The following MELK variants were observed in gnomAD, a reference collection of about 807,000 sequenced individuals.
The protein encoded by MELK is maternal embryonic leucine zipper kinase, also known as pEg3 kinase.
Under a neutral mutation model 85.0 loss-of-function variants are expected in MELK, and 81 were observed. The observed-to-expected ratio is 0.95, with a 90% confidence interval of 0.80 to 1.15. MELK has a LOEUF of 1.15. Among genes scored for constraint, MELK ranks in the 50% most tolerant of loss-of-function variants. The pLI is 0.00. For missense variants in MELK, 754 were observed against 777.5 expected, an observed-to-expected ratio of 0.97 and a Z score of 0.36; for synonymous variants, 252 against 265.0, an observed-to-expected ratio of 0.95 and a Z score of 0.48.
chr9:36,631,298 C>G (rs941820229), intron 9 of MELK, among the ~76,000 whole-genome samples: 1 of 151,756 alleles, frequency 6.6e-6, no homozygotes, highest in Non-Finnish European at 1.5e-5. Flanking sequence ...TGCTTTGTTG[C>G]TCAGGCTGGA....
At chr9:36,674,967 T>G (rs935221768) in intron 17 of MELK, 30 bp downstream of exon 17, 5 of 1,478,888 alleles carry the variant, frequency 3.4e-6, no homozygotes, top group Non-Finnish European at 4.7e-6. Context: ...GCTGTTGCAT[T>G]TATTAGTATC....
intron 13 of MELK, among the ~76,000 whole-genome samples, chr9:36,661,936 C>CA (rs1174052114): frequency 1.6e-4 from 12 of 72,836 alleles, no homozygotes; most frequent in African/African-American, 6.1e-4. Context: ...GACTCCGTCT[C>CA]AAAAAAAAAA....
intron 8 of MELK, among the ~76,000 whole-genome samples, chr9:36,623,216 C>T (rs1827606945): frequency 6.6e-6 from 1 of 152,192 alleles, no homozygotes; most frequent in Admixed American, 6.5e-5. Context: ...TAGGACAAAT[C>T]ATCCCCAGTT....
chr9:36,631,100 AC>A (rs1425420875), intron 9 of MELK, among the ~76,000 whole-genome samples: 1 of 150,898 alleles, frequency 6.6e-6, no homozygotes, highest in Non-Finnish European at 1.5e-5. Context: ...AGTAGCTAGT[AC>A]TACAGGCGTG....
intron 13 of MELK, among the ~76,000 whole-genome samples, chr9:36,658,470 A>C (rs1369385538): frequency 6.6e-6 from 1 of 152,110 alleles, no homozygotes; most frequent in Non-Finnish European, 1.5e-5. Context: ...GAACTCCAGA[A>C]TTTGTTTTGT....
chr9:36,595,972 C>T (rs1437263532), intron 5 of MELK, among the ~76,000 whole-genome samples: 19 of 152,014 alleles, frequency 1.2e-4, no homozygotes, highest in Admixed American at 1.1e-3. Flanking sequence ...CCTGCCACCA[C>T]TCTCGGCTAA....
intron 7 of MELK, among the ~76,000 whole-genome samples, chr9:36,605,178 C>T (rs913315692): frequency 5.3e-5 from 8 of 151,772 alleles, no homozygotes; most frequent in African/African-American, 1.7e-4. Flanking sequence ...CATGAACCAC[C>T]ATGTAGTTCA....
At chr9:36,599,361 A>T (rs1481814169) in intron 6 of MELK, 33 bp from the exon 7 acceptor site, 7 of 1,315,106 alleles carry the variant, frequency 5.3e-6, no homozygotes, top group Non-Finnish European at 7.6e-6. Context: ...TAAGCGTTGT[A>T]ATTAATAAGT....
In MELK at chr9:36,581,216, T is replaced by C. The variant is rs1486031166; in HGVS notation, c.-38-428T>C. On this transcript the variant is annotated intron_variant, in intron 1 of 17. Coordinates refer to ENST00000298048, the MANE Select transcript of MELK (RefSeq NM_014791.4). ...GTGCTTAGTTTTATTTTTATTTTTT[T>C]TATAGATGTGGTCTTGCTATGTTGC... 3.3e-5 allele frequency among the ~76,000 whole-genome samples: 5 copies of C among 151,800 alleles called. No individual in the cohort carries two copies. The East Asian group carries it at 9.7e-4, about 29-fold the overall frequency.
chr9:36,584,722 T>C (rs914557163), intron 3 of MELK, among the ~76,000 whole-genome samples: 3 of 146,778 alleles, frequency 2.0e-5, no homozygotes, highest in Non-Finnish European at 4.5e-5. Context: ...GTCCTAGCTT[T>C]TTTTTTTTTT....
At chr9:36,608,578 C>G (rs1046080055) in intron 8 of MELK, among the ~76,000 whole-genome samples, 1 of 150,952 alleles carries the variant, frequency 6.6e-6, no homozygotes, top group Non-Finnish European at 1.5e-5. Flanking sequence ...TTACGTTATA[C>G]AAACTTCTTT....
In MELK at chr9:36,627,526, T is replaced by C. The variant is rs187572235; in HGVS notation, c.667-2773T>C. ...GAGAACCCATTCTCTCTCTCTCTCTTTTTTTTTTTTTTTTTGGAGACAAGA... is the reference window on the plus strand; with the variant it reads ...GAGAACCCATTCTCTCTCTCTCTCTCTTTTTTTTTTTTTTTGGAGACAAGA... On this transcript the variant is annotated intron_variant, in intron 8 of 17. Coordinates refer to ENST00000298048, the MANE Select transcript of MELK (RefSeq NM_014791.4). Among the ~76,000 whole-genome samples, 648 of 140,566 alleles carry C rather than the reference T, an allele frequency of 4.6e-3. 10 individuals are homozygous for C. Among genetic ancestry groups the C allele is most frequent in the East Asian group, 0.046 (229 of 5,028 alleles). The allele number at this position is 140,566 out of a possible 152,430, so 92.2% of individuals were successfully genotyped here.
Position 36,608,045 on chromosome 9 carries a change from C to T in MELK, c.666+372C>T, listed in dbSNP as rs534343808. Among the ~76,000 whole-genome samples the T allele has an allele frequency of 3.3e-5, 5 of 152,188 alleles. No individual in the cohort carries two copies. The East Asian group carries it at 9.7e-4, about 29-fold the overall frequency. On this transcript the variant is annotated intron_variant, in intron 8 of 17. Transcript: ENST00000298048. ...CCTGTAATCCCAGCACTTTGGGAGG[C>T]TGAGACTGGCAGATCACGAGGTCAG...
At chr9:36,583,535 G>C in intron 2 of MELK, 92 bp from the exon 3 acceptor site, 2 of 682,158 alleles carry the variant, frequency 2.9e-6, no homozygotes, top group Non-Finnish European at 4.5e-6. Context: ...AGGAAAATTT[G>C]GCTTGATAGA....
At chr9:36,673,731 A>G (rs1833096520) in intron 16 of MELK, among the ~76,000 whole-genome samples, 1 of 152,240 alleles carries the variant, frequency 6.6e-6, no homozygotes, top group Non-Finnish European at 1.5e-5. Context: ...CCAACTGTGC[A>G]TATTTTAAAG....
intron 3 of MELK, among the ~76,000 whole-genome samples, chr9:36,589,321 T>C (rs886674098): frequency 2.0e-5 from 3 of 152,052 alleles, no homozygotes; most frequent in Admixed American, 6.6e-5. Flanking sequence ...GCTAATTTTT[T>C]TGTAGTTTTA....
intron 8 of MELK, among the ~76,000 whole-genome samples, chr9:36,612,897 T>C (rs1323315975): frequency 6.6e-6 from 1 of 152,258 alleles, no homozygotes; most frequent in Non-Finnish European, 1.5e-5. Flanking sequence ...CACCTGTGCC[T>C]TCTTTATGGA....
At chr9:36,630,000 A>G (rs892499625) in intron 8 of MELK, 60 of 223,950 alleles carry the variant, frequency 2.7e-4, no homozygotes, top group Non-Finnish European at 1.8e-5. Flanking sequence ...GCCTGCCACC[A>G]CGACTGACTA....
At chr9:36,675,930 A>G (rs1219714474) in intron 17 of MELK, among the ~76,000 whole-genome samples, 2 of 152,208 alleles carry the variant, frequency 1.3e-5, no homozygotes, top group Non-Finnish European at 2.9e-5. Flanking sequence ...AGTTATCTGT[A>G]AATGTTGGCA....
Sources: allele counts gnomAD v4.1 joint callset (sites outside exome capture counted in the v4.1 genomes callset), GRCh38; gene constraint gnomAD v4.1.1; transcripts MANE v1.5; gene names NCBI Gene and HGNC (gene_info 2026-07-23, HGNC 2026-07-21).